NAA15: variants seen among roughly 807,000 people sequenced by gnomAD.
NAA15 encodes N-alpha-acetyltransferase 15, NatA auxiliary subunit, also known as N-terminal acetyltransferase.
NAA15 carries 34 observed loss-of-function variants against 114.0 expected under a neutral mutation model. The ratio of observed to expected loss-of-function variants is 0.30; its 90% CI spans 0.23 to 0.40. The LOEUF (loss-of-function observed/expected upper bound fraction) is 0.40. NAA15 is among the 10% of genes least tolerant of loss of function. The probability of loss-of-function intolerance (pLI) is 1.00; values close to 1 mark genes in which losing one functional copy is unlikely to be tolerated. For synonymous variants in NAA15, 340 were observed against 338.0 expected, an observed-to-expected ratio of 1.01 and a Z score of -0.06; for missense variants, 658 against 1,004.5, an observed-to-expected ratio of 0.66 and a Z score of 4.66.
At chr4:139,372,736 C>A (rs35911076) in intron 15 of NAA15, among the ~76,000 whole-genome samples, 1 of 149,882 alleles carries the variant, frequency 6.7e-6, no homozygotes, top group Non-Finnish European at 1.5e-5. Flanking sequence ...TTCAACCCCC[C>A]CTTTTTTTGG....
intron 1 of NAA15, among the ~76,000 whole-genome samples, chr4:139,328,996 A>G (rs923544131): frequency 1.3e-5 from 2 of 150,750 alleles, no homozygotes; most frequent in Non-Finnish European, 2.9e-5. Flanking sequence ...CAGCCTCCCA[A>G]GTAGCTGGGA....
chr4:139,377,301 C>T (rs1748616849), intron 16 of NAA15, among the ~76,000 whole-genome samples: 1 of 152,204 alleles, frequency 6.6e-6, no homozygotes, highest in South Asian at 2.1e-4. Context: ...TTTTGGGAGG[C>T]CGAGGCAGGT....
intron 3 of NAA15, among the ~76,000 whole-genome samples, chr4:139,337,950 G>C (rs557190346): frequency 1.3e-5 from 2 of 152,294 alleles, no homozygotes; most frequent in African/African-American, 2.4e-5. Context: ...ACAAGCAAAG[G>C]CTTAACTATT....
intron 14 of NAA15, among the ~76,000 whole-genome samples, chr4:139,363,712 G>A (rs1342441235): frequency 6.6e-6 from 1 of 152,126 alleles, no homozygotes; most frequent in Non-Finnish European, 1.5e-5. Context: ...GTGGGTTGAA[G>A]GATATGAGAA....
chr4:139,319,328 G>A (rs1258284137), intron 1 of NAA15, among the ~76,000 whole-genome samples: 2 of 152,002 alleles, frequency 1.3e-5, no homozygotes, highest in South Asian at 2.1e-4. Context: ...GGCTGGTCTC[G>A]AACTCCTGAC....
chr4:139,383,856 G>A (rs1748818655), intron 17 of NAA15, among the ~76,000 whole-genome samples: 2 of 152,186 alleles, frequency 1.3e-5, no homozygotes, highest in African/African-American at 2.4e-5. Flanking sequence ...TGAAATAAAG[G>A]TCAATGACAT....
intron 1 of NAA15, among the ~76,000 whole-genome samples, chr4:139,333,038 A>G (rs1747076475): frequency 6.6e-6 from 1 of 152,178 alleles, no homozygotes; most frequent in Non-Finnish European, 1.5e-5. Flanking sequence ...TATACTGTAA[A>G]TTATCTCTAG....
chr4:139,350,755 G>T (rs1747752439), intron 7 of NAA15, among the ~76,000 whole-genome samples: 1 of 152,302 alleles, frequency 6.6e-6, no homozygotes, highest in South Asian at 2.1e-4. Context: ...CATGAAACAT[G>T]AATAGTTAGG....
chr4:139,380,711 T>C (rs1748725918), intron 17 of NAA15, among the ~76,000 whole-genome samples: 1 of 152,206 alleles, frequency 6.6e-6, no homozygotes, highest in Admixed American at 6.5e-5. Context: ...TGACTGACTT[T>C]AGGCAATGAA....
At chr4:139,325,294 T>G (rs895275620) in intron 1 of NAA15, among the ~76,000 whole-genome samples, 6 of 152,220 alleles carry the variant, frequency 3.9e-5, no homozygotes, top group Admixed American at 3.9e-4. Context: ...ATAAAAATTT[T>G]GGGTTTAATA....
intron 1 of NAA15, among the ~76,000 whole-genome samples, chr4:139,320,893 C>T (rs978194314): frequency 6.6e-6 from 1 of 152,138 alleles, no homozygotes; most frequent in Admixed American, 6.6e-5. Context: ...TCAAGCAGTC[C>T]TCCTGCCTGG....
Position 139,378,713 on chromosome 4 carries a change from C to G in NAA15, c.2057-43C>G, listed in dbSNP as rs377695429. ...AGTCTTGGCCCTCCAAAGGAGGCCT[C>G]TTATCCAATGATCAAAATATATCTT... On this transcript the variant is annotated intron_variant, in intron 16 of 19. Coordinates refer to ENST00000296543, the MANE Select transcript of NAA15 (RefSeq NM_057175.5). 1.1e-5 allele frequency: 15 copies of G among 1,328,976 alleles called. No homozygotes were observed. The African/African-American group carries it at 2.1e-4, about 19-fold the overall frequency. 82.3% of individuals were successfully genotyped at this position (1,328,976 alleles called of 1,614,324 possible).
At position 139,320,544 on chromosome 4, in the gene NAA15, G is replaced by A. The variant is rs538245206; in HGVS notation, c.55-13630G>A. Among the ~76,000 whole-genome samples the A allele has an allele frequency of 3.3e-3, 505 of 151,936 alleles. 4 individuals are homozygous for A. Among genetic ancestry groups the A allele is most frequent in the African/African-American group, 0.012 (485 of 41,434 alleles). On this transcript the variant is annotated intron_variant, in intron 1 of 19. Coordinates refer to ENST00000296543, the MANE Select transcript of NAA15 (RefSeq NM_057175.5). ...TACTTATTTATTTATGTTTTGACAC[G>A]GAGTCTCACTCTGTCGTCCAGGCTG...
chr4:139,378,644 G>GATCAATC (rs1748656726), intron 16 of NAA15, 112 bp from the exon 17 acceptor site: 2 of 483,074 alleles, frequency 4.1e-6, no homozygotes, highest in Non-Finnish European at 7.1e-6. Flanking sequence ...GTATGTTTGT[G>GATCAATC]GTTCTGATGT....
intron 1 of NAA15, among the ~76,000 whole-genome samples, chr4:139,321,133 A>G (rs991079348): frequency 9.9e-5 from 15 of 151,680 alleles, no homozygotes; most frequent in Non-Finnish European, 1.6e-4. Flanking sequence ...TTCTTTTGCC[A>G]AAGCCAAATA....
chr4:139,353,997 T>TA (rs1747862557), intron 9 of NAA15, 29 bp from the exon 10 acceptor site: 6 of 1,569,274 alleles, frequency 3.8e-6, no homozygotes, highest in Non-Finnish European at 5.2e-6. Flanking sequence ...TTTTTTCTAT[T>TA]AAAGTGTGTT....
In NAA15 at chr4:139,368,533, T is replaced by C. The variant is rs574065951; in HGVS notation, c.1754-1678T>C. On this transcript the variant is annotated intron_variant, in intron 14 of 19. Transcript: ENST00000296543. ...AGAGGCATCAGTTCTTGGCCATACATTGGTCTTTCCATAAGATTGAGTTTC... is the reference window on the plus strand; with the variant it reads ...AGAGGCATCAGTTCTTGGCCATACACTGGTCTTTCCATAAGATTGAGTTTC... 1.2e-3 allele frequency among the ~76,000 whole-genome samples: 188 copies of C among 152,340 alleles called. 1 individual carries two copies. Among genetic ancestry groups the C allele is most frequent in the African/African-American group, 4.3e-3 (177 of 41,584 alleles).
Position 139,312,854 on chromosome 4 carries a change from A to G in NAA15, c.54+11023A>G, listed in dbSNP as rs377145507. On this transcript the variant is annotated intron_variant, in intron 1 of 19. Transcript: ENST00000296543. ...GAATGAGACCTTGTCTGGGGGGGAA[A>G]AAAAAAGTAAAATAAAAATTGCAGT... 7.9e-5 allele frequency among the ~76,000 whole-genome samples: 12 copies of G among 151,890 alleles called. 1 individual carries two copies. In the East Asian group the frequency reaches 1.4e-3, roughly 17 times the overall value.
intron 1 of NAA15, among the ~76,000 whole-genome samples, chr4:139,332,931 G>C (rs902468823): frequency 6.6e-6 from 1 of 152,076 alleles, no homozygotes. Context: ...TGCGAGATTG[G>C]TTCCAGGATC....
Sources: allele counts gnomAD v4.1 joint callset (sites outside exome capture counted in the v4.1 genomes callset), GRCh38; gene constraint gnomAD v4.1.1; transcripts MANE v1.5; gene names NCBI Gene and HGNC (gene_info 2026-07-23, HGNC 2026-07-21).